The following MTOR variants were observed in gnomAD, a reference collection of about 807,000 sequenced individuals.
The protein encoded by MTOR is mechanistic target of rapamycin kinase.
Under a neutral mutation model 319.8 loss-of-function variants are expected in MTOR, and 70 were observed. That is an observed-to-expected ratio of 0.22 (90% confidence interval 0.18 to 0.27). The LOEUF (loss-of-function observed/expected upper bound fraction) is 0.27, where lower values mean the gene tolerates loss of function less well. Among genes scored for constraint, MTOR ranks in the 10% least tolerant of loss-of-function variants. MTOR has a pLI of 1.00. For missense variants in MTOR, 1,890 were observed against 3,274.4 expected (o/e 0.58, Z 10.32); for synonymous variants, 1,183 against 1,211.4 (o/e 0.98, Z 0.49).
chr1:11,219,444 C>T (rs773738014), intron 19 of MTOR, among the ~76,000 whole-genome samples: 11 of 152,082 alleles, frequency 7.2e-5, no homozygotes, highest in Non-Finnish European at 1.5e-4. Context: ...ACTGTGTGGC[C>T]TGGGAATCTC....
At chr1:11,167,357 GA>G in intron 29 of MTOR, 84 bp downstream of exon 29, 8 of 1,051,110 alleles carry the variant, frequency 7.6e-6, no homozygotes, top group African/African-American at 1.6e-5. Context: ...AACAGAAAAG[GA>G]AAGTAACTTT....
Position 11,204,541 on chromosome 1 carries a change from C to T in MTOR, c.3944+20G>A, listed in dbSNP as rs752361263. 1 of 1,602,966 alleles carries T rather than the reference C, an allele frequency of 6.2e-7. No homozygotes were observed. The highest frequency in any genetic ancestry group is 1.3e-5 in the African/African-American group (1 of 74,806). On this transcript the variant is annotated intron_variant, in intron 26 of 57. Coordinates refer to ENST00000361445, the MANE Select transcript of MTOR (RefSeq NM_004958.4). ...GTTTTCTATGTGCTGATCTTCTCCA[C>T]CCGCCCTGACACACTATACCTGGCC...
chr1:11,208,120 C>T (rs1646198929), intron 25 of MTOR, among the ~76,000 whole-genome samples: 1 of 152,192 alleles, frequency 6.6e-6, no homozygotes, highest in South Asian at 2.1e-4. Flanking sequence ...CCTGCCTGGC[C>T]CCTCCCTCCA....
At chr1:11,255,895 C>A in intron 5 of MTOR, 97 bp downstream of exon 5, 10 of 1,051,066 alleles carry the variant, frequency 9.5e-6, no homozygotes, top group East Asian at 2.7e-5. Context: ...AAACGTGATT[C>A]TTGCTCCATG....
At chr1:11,227,749 G>C (rs1646892553) in intron 19 of MTOR, among the ~76,000 whole-genome samples, 1 of 152,178 alleles carries the variant, frequency 6.6e-6, no homozygotes, top group Admixed American at 6.5e-5. Flanking sequence ...AGCAAAATTA[G>C]AAAGTCATCA....
chr1:11,247,132 C>T (rs1648951026), intron 8 of MTOR, among the ~76,000 whole-genome samples: 1 of 152,168 alleles, frequency 6.6e-6, no homozygotes, highest in South Asian at 2.1e-4. Context: ...TGGAAGAAGG[C>T]AAGGACATTT....
intron 30 of MTOR, among the ~76,000 whole-genome samples, chr1:11,154,513 A>C (rs1571011882): frequency 1.4e-5 from 2 of 147,584 alleles, no homozygotes; most frequent in Non-Finnish European, 3.0e-5. Flanking sequence ...GTGGAATATT[A>C]TCTCTCTCTC....
intron 19 of MTOR, among the ~76,000 whole-genome samples, chr1:11,227,946 C>G (rs769790922): frequency 2.6e-5 from 4 of 152,026 alleles, no homozygotes; most frequent in Non-Finnish European, 5.9e-5. Context: ...AACACCTACT[C>G]GGCCGCATGC....
chr1:11,242,021 G>C (rs1164332623), intron 9 of MTOR, among the ~76,000 whole-genome samples: 2 of 152,150 alleles, frequency 1.3e-5, no homozygotes, highest in Non-Finnish European at 2.9e-5. Flanking sequence ...CAAGAAGGCA[G>C]TACACAGCCA....
At chr1:11,131,080 A>G in intron 38 of MTOR, 1 of 450,724 alleles carries the variant, frequency 2.2e-6, no homozygotes, top group Non-Finnish European at 4.0e-6. Flanking sequence ...TCACGCACAA[A>G]CCTGAAGACC....
chr1:11,159,973 A>G (rs1644424362), intron 29 of MTOR, among the ~76,000 whole-genome samples: 1 of 152,226 alleles, frequency 6.6e-6, no homozygotes, highest in Admixed American at 6.5e-5. Flanking sequence ...AAAGAATAAC[A>G]GAAACATTTT....
chr1:11,234,358 A>T, intron 13 of MTOR, 93 bp from the exon 14 acceptor site: 1 of 1,428,704 alleles, frequency 7.0e-7, no homozygotes, highest in Non-Finnish European at 9.4e-7. Context: ...GAACTGGGGG[A>T]AAAACCCAGA....
intron 5 of MTOR, among the ~76,000 whole-genome samples, chr1:11,254,592 A>G (rs1269581525): frequency 1.1e-5 from 1 of 87,650 alleles, no homozygotes; most frequent in Non-Finnish European, 3.2e-5. Flanking sequence ...TCCCATGTTC[A>G]GAGCTCTTTT....
chr1:11,242,133 G>A (rs1453816260), intron 9 of MTOR, among the ~76,000 whole-genome samples: 1 of 152,158 alleles, frequency 6.6e-6, no homozygotes, highest in Admixed American at 6.5e-5. Flanking sequence ...GGAGGCGGAG[G>A]TGGGTGGATC....
In MTOR at chr1:11,234,199, G is replaced by A. The variant is rs2100881663; in HGVS notation, c.2275C>T (p.His759Tyr). ...IKEQSARMLG[H>Y]LVSNAPRLIR... ...AGTCGGGGGGCATTGGAGACCAGGT[G>A]CCCCAGCATGCGGGCACTCTGCTCT... Residue 759 changes from histidine to tyrosine, a missense_variant, in exon 14 of 58, where the codon CAC becomes TAC. Physicochemically the swap from His to Tyr is moderately conservative, Grantham distance 83. This residue lies in a region of MTOR where 377 missense variants were observed against 653.9 expected (regional missense o/e 0.58). Coordinates refer to ENST00000361445, the MANE Select transcript of MTOR (RefSeq NM_004958.4). 1.9e-6 allele frequency: 3 copies of A among 1,614,150 alleles called. No individual in the cohort carries two copies. The highest frequency in any genetic ancestry group is 2.5e-6 in the Non-Finnish European group (3 of 1,180,026).
intron 19 of MTOR, among the ~76,000 whole-genome samples, chr1:11,226,845 C>A (rs1646854631): frequency 6.6e-6 from 1 of 152,114 alleles, no homozygotes; most frequent in South Asian, 2.1e-4. Context: ...CTTTTCCTTA[C>A]TGTGTCACTA....
At chr1:11,138,520 T>G (rs900630888) in intron 36 of MTOR, among the ~76,000 whole-genome samples, 3 of 152,216 alleles carry the variant, frequency 2.0e-5, no homozygotes, top group Non-Finnish European at 4.4e-5. Flanking sequence ...GTGTGCCTTC[T>G]GCAGAAACAC....
intron 9 of MTOR, among the ~76,000 whole-genome samples, chr1:11,241,894 A>G (rs1648085101): frequency 6.6e-6 from 1 of 152,312 alleles, no homozygotes; most frequent in African/African-American, 2.4e-5. Context: ...ATGGCAGTAA[A>G]GTGTCTTAAG....
rs1461072671 is a variant in MTOR at position 11,109,213 on chromosome 1, T to C, written c.7528+77A>G. 5 of 1,349,256 alleles carry C rather than the reference T, an allele frequency of 3.7e-6. No homozygotes were observed. The highest frequency in any genetic ancestry group is 1.9e-5 in the Admixed American group (1 of 53,996). 83.6% of individuals were successfully genotyped at this position (1,349,256 alleles called of 1,614,324 possible). On this transcript the variant is annotated intron_variant, in intron 56 of 57. Coordinates refer to ENST00000361445, the MANE Select transcript of MTOR (RefSeq NM_004958.4). The surrounding 1 kb of genome is among the most constrained non-coding windows in gnomAD (Gnocchi z 4.0). ...AGCTCGTCACTAACACCACTGGACA[T>C]GGGGCTGACCACCACTCAGAGAGGA...
Sources: allele counts gnomAD v4.1 joint callset (sites outside exome capture counted in the v4.1 genomes callset), GRCh38; gene constraint gnomAD v4.1.1; regional missense constraint gnomAD v4.1.1; non-coding constraint Gnocchi (gnomAD v3.1); transcripts MANE v1.5; gene names NCBI Gene and HGNC (gene_info 2026-07-23, HGNC 2026-07-21).